Variants in GRID2 observed in about 807,000 individuals in gnomAD.
GRID2 encodes the protein glutamate receptor ionotropic, delta-2.
In GRID2, 33 loss-of-function variants were observed where a neutral mutation model predicts 114.8. The ratio of observed to expected loss-of-function variants is 0.29; its 90% CI spans 0.22 to 0.38. The LOEUF (loss-of-function observed/expected upper bound fraction) is 0.38, where lower values mean the gene tolerates loss of function less well. Ranked by LOEUF, GRID2 falls within the 10% of genes least tolerant of loss-of-function variation. GRID2 has a pLI of 1.00. For synonymous variants in GRID2, 505 were observed against 449.9 expected (o/e 1.12, Z -1.55); for missense variants, 1,184 against 1,257.7 (o/e 0.94, Z 0.89).
chr4:93,316,555 G>A (rs913066705), intron 8 of GRID2, among the ~76,000 whole-genome samples: 1 of 152,140 alleles, frequency 6.6e-6, no homozygotes, highest in African/African-American at 2.4e-5. Flanking sequence ...AAAGAAGAGA[G>A]AATTAAAAAG....
intron 14 of GRID2, among the ~76,000 whole-genome samples, chr4:93,691,630 A>G (rs1176740007): frequency 6.6e-6 from 1 of 152,100 alleles, no homozygotes; most frequent in Non-Finnish European, 1.5e-5. Context: ...TTAACACTGT[A>G]ACTTAATTGA....
intron 2 of GRID2, among the ~76,000 whole-genome samples, chr4:92,682,642 T>C (rs944453981): frequency 1.3e-5 from 2 of 151,766 alleles, no homozygotes; most frequent in Non-Finnish European, 2.9e-5. Flanking sequence ...TTTTCTGCTT[T>C]TGGATTGGTC....
intron 1 of GRID2, among the ~76,000 whole-genome samples, chr4:92,372,003 C>T (rs1267272081): frequency 3.9e-5 from 6 of 152,092 alleles, no homozygotes; most frequent in African/African-American, 1.4e-4. Context: ...GAGGCACTCA[C>T]TACAAATGTG....
At chr4:93,271,388 T>C (rs1261854555) in intron 8 of GRID2, among the ~76,000 whole-genome samples, 1 of 152,132 alleles carries the variant, frequency 6.6e-6, no homozygotes, top group African/African-American at 2.4e-5. Flanking sequence ...TGAAGGGGTT[T>C]TCCTCTTCTG....
chr4:93,753,854 C>G (rs1269894319), intron 14 of GRID2, among the ~76,000 whole-genome samples: 1 of 152,150 alleles, frequency 6.6e-6, no homozygotes, highest in African/African-American at 2.4e-5. Context: ...ACTCACTGAG[C>G]TGTAATTTAG....
intron 11 of GRID2, among the ~76,000 whole-genome samples, chr4:93,488,532 A>G (rs957732484): frequency 1.3e-5 from 2 of 151,980 alleles, no homozygotes; most frequent in Admixed American, 6.6e-5. Flanking sequence ...TCACGTATTG[A>G]TAGAACTACA....
intron 13 of GRID2, among the ~76,000 whole-genome samples, chr4:93,516,037 G>A (rs974979663): frequency 1.3e-5 from 2 of 152,244 alleles, no homozygotes; most frequent in Admixed American, 6.5e-5. Context: ...ATATACGGAA[G>A]CAATTCAAAC....
At chr4:92,726,969 A>T (rs1402865824) in intron 2 of GRID2, among the ~76,000 whole-genome samples, 5 of 152,068 alleles carry the variant, frequency 3.3e-5, no homozygotes, top group African/African-American at 1.2e-4. Flanking sequence ...AAATGAAAGA[A>T]ATTAGCATCA....
intron 4 of GRID2, among the ~76,000 whole-genome samples, chr4:93,120,407 A>G (rs1010685437): frequency 6.6e-6 from 1 of 152,186 alleles, no homozygotes; most frequent in Non-Finnish European, 1.5e-5. Flanking sequence ...ATGGAATACT[A>G]TGCAGCCATA....
At chr4:92,883,188 C>T (rs545062141) in intron 2 of GRID2, among the ~76,000 whole-genome samples, 1 of 152,320 alleles carries the variant, frequency 6.6e-6, no homozygotes, top group Admixed American at 6.5e-5. Context: ...ATAGCATCTT[C>T]ACTAGGAGTA....
chr4:92,633,637 G>A (rs1375300603), intron 2 of GRID2, among the ~76,000 whole-genome samples: 1 of 152,108 alleles, frequency 6.6e-6, no homozygotes, highest in East Asian at 1.9e-4. Context: ...ATTATCTCAG[G>A]TTTGAGGTTT....
At chr4:93,380,236 A>G (rs987067991) in intron 8 of GRID2, among the ~76,000 whole-genome samples, 7 of 152,052 alleles carry the variant, frequency 4.6e-5, no homozygotes, top group African/African-American at 1.7e-4. Context: ...AAGAGGAGAC[A>G]GCCATGTGAA....
intron 13 of GRID2, among the ~76,000 whole-genome samples, chr4:93,533,245 T>TCTTCCTTCCTTCCTTCCTTC (rs755045834): frequency 1.6e-4 from 17 of 105,790 alleles, no homozygotes; most frequent in South Asian, 4.2e-4. Flanking sequence ...TTTCTTTCTC[T>TCTTCCTTCCTTCCTTCCTTC]CTTCCTTCCT....
chr4:93,450,565 TTTC>T (rs1430441717), intron 10 of GRID2, among the ~76,000 whole-genome samples: 2 of 151,954 alleles, frequency 1.3e-5, no homozygotes, highest in East Asian at 3.9e-4. Flanking sequence ...AGTAAATGTA[TTTC>T]AATTTGTCTA....
chr4:92,583,777 A>G (rs1006449202), intron 1 of GRID2, among the ~76,000 whole-genome samples: 3 of 150,384 alleles, frequency 2.0e-5, no homozygotes, highest in African/African-American at 7.3e-5. Context: ...ACATATACAC[A>G]GTTGTAATAT....
chr4:93,213,931 A>T (rs1743877777), intron 5 of GRID2, among the ~76,000 whole-genome samples: 1 of 152,152 alleles, frequency 6.6e-6, no homozygotes, highest in East Asian at 1.9e-4. Context: ...ATCTAGGTAA[A>T]TTATTTTTGG....
At chr4:93,131,768 T>A (rs1242226438) in intron 4 of GRID2, among the ~76,000 whole-genome samples, 1 of 152,188 alleles carries the variant, frequency 6.6e-6, no homozygotes, top group Non-Finnish European at 1.5e-5. Context: ...TTCTTCATGT[T>A]GGAAACATTC....
At chr4:93,704,113 C>T (rs1383751612) in intron 14 of GRID2, among the ~76,000 whole-genome samples, 2 of 152,172 alleles carry the variant, frequency 1.3e-5, no homozygotes, top group East Asian at 1.9e-4. Context: ...GTCCCACCAA[C>T]AGTGTAAAAG....
intron 9 of GRID2, among the ~76,000 whole-genome samples, chr4:93,409,965 A>T (rs1381805983): frequency 6.6e-6 from 1 of 152,212 alleles, no homozygotes; most frequent in African/African-American, 2.4e-5. Flanking sequence ...AGTCATTTGC[A>T]AATTCAAAGA....
Sources: allele counts gnomAD v4.1 joint callset (sites outside exome capture counted in the v4.1 genomes callset), GRCh38; gene constraint gnomAD v4.1.1; transcripts MANE v1.5; gene names NCBI Gene and HGNC (gene_info 2026-07-23, HGNC 2026-07-21).